The following PRKN variants were observed in gnomAD, a reference collection of about 807,000 sequenced individuals.
The protein encoded by PRKN is parkin RBR E3 ubiquitin protein ligase, also known as E3 ubiquitin-protein ligase parkin.
In PRKN, 56 loss-of-function variants were observed where a neutral mutation model predicts 59.5. That is an observed-to-expected ratio of 0.94 (90% CI 0.76 to 1.18). PRKN has a LOEUF of 1.18. Among genes scored for constraint, PRKN ranks in the 50% most tolerant of loss-of-function variants. The pLI is 0.00. For missense variants in PRKN, 657 were observed against 596.4 expected (o/e 1.10, Z -1.06); for synonymous variants, 250 against 222.1 (o/e 1.13, Z -1.12).
Position 161,444,554 on chromosome 6 carries a change from A to G in PRKN, c.1084-57677T>C, listed in dbSNP as rs1290547392. ...GCAGCCCCTGGTTAGTGGGAGACGC[A>G]GAGCAGGCATTCAGTCAGCAAATAT... On this transcript the variant is annotated intron_variant, in intron 9 of 11. Transcript: ENST00000366898. The surrounding 1 kb of genome is among the most constrained non-coding windows in gnomAD (Gnocchi z 5.6). Among the ~76,000 whole-genome samples, 1 of 152,228 alleles carries G rather than the reference A, an allele frequency of 6.6e-6. No homozygotes were observed. Among genetic ancestry groups the G allele is most frequent in the Non-Finnish European group, 1.5e-5 (1 of 68,044 alleles).
chr6:161,880,115 T>C (rs1794876896), intron 6 of PRKN, among the ~76,000 whole-genome samples: 1 of 152,228 alleles, frequency 6.6e-6, no homozygotes, highest in Non-Finnish European at 1.5e-5. Context: ...AACACATTCA[T>C]GGCAATGGTA....
intron 4 of PRKN, among the ~76,000 whole-genome samples, chr6:162,116,607 G>T (rs925677243): frequency 9.2e-5 from 14 of 152,198 alleles, no homozygotes; most frequent in African/African-American, 3.4e-4. Flanking sequence ...TGCACATTTA[G>T]ATTGAGTGTG....
intron 6 of PRKN, among the ~76,000 whole-genome samples, chr6:161,909,059 G>A (rs1778257093): frequency 1.3e-5 from 2 of 152,172 alleles, no homozygotes; most frequent in Non-Finnish European, 2.9e-5. Flanking sequence ...GTCAATGCAC[G>A]AGGCTCTCCT....
chr6:162,085,091 G>A (rs1473409059), intron 4 of PRKN, among the ~76,000 whole-genome samples: 1 of 150,424 alleles, frequency 6.6e-6, no homozygotes, highest in Non-Finnish European at 1.5e-5. Flanking sequence ...TCCTCATGCA[G>A]TGAGACAGTG....
At chr6:162,380,610 C>A (rs1045680715) in intron 2 of PRKN, among the ~76,000 whole-genome samples, 1 of 150,150 alleles carries the variant, frequency 6.7e-6, no homozygotes, top group Non-Finnish European at 1.5e-5. Context: ...GAGGTGGTAT[C>A]AAGTAGTGGA....
intron 7 of PRKN, among the ~76,000 whole-genome samples, chr6:161,662,545 G>C (rs1784585942): frequency 6.6e-6 from 1 of 151,936 alleles, no homozygotes; most frequent in South Asian, 2.1e-4. Context: ...TTTGGCTAAG[G>C]GTTGCCTGGT....
chr6:162,505,261 G>C (rs1793559221), intron 1 of PRKN, among the ~76,000 whole-genome samples: 1 of 111,668 alleles, frequency 9.0e-6, no homozygotes, highest in Non-Finnish European at 2.0e-5. Flanking sequence ...AGCCTTATTT[G>C]TAATTGCAAA....
intron 7 of PRKN, among the ~76,000 whole-genome samples, chr6:161,692,166 C>G (rs1562611866): frequency 6.6e-6 from 1 of 152,216 alleles, no homozygotes; most frequent in East Asian, 1.9e-4. Flanking sequence ...AAATTTGCCT[C>G]TACTCTGAAT....
intron 3 of PRKN, among the ~76,000 whole-genome samples, chr6:162,235,877 AAG>A (rs1188472842): frequency 1.3e-5 from 2 of 149,734 alleles, no homozygotes; most frequent in Non-Finnish European, 3.0e-5. Flanking sequence ...GACGGAAAGA[AAG>A]AGAGAGAAAG....
chr6:161,847,137 G>A (rs1438860582), intron 6 of PRKN, among the ~76,000 whole-genome samples: 1 of 152,050 alleles, frequency 6.6e-6, no homozygotes, highest in African/African-American at 2.4e-5. Context: ...GTGAAACCCC[G>A]TCTCTACTAA....
At chr6:162,460,076 TCAG>T (rs1170689978) in intron 1 of PRKN, among the ~76,000 whole-genome samples, 1 of 152,168 alleles carries the variant, frequency 6.6e-6, no homozygotes, top group Non-Finnish European at 1.5e-5. Flanking sequence ...AATGTCCCTA[TCAG>T]CATTATTATT....
intron 5 of PRKN, among the ~76,000 whole-genome samples, chr6:162,045,105 G>A (rs554130975): frequency 4.0e-4 from 61 of 152,220 alleles, no homozygotes; most frequent in African/African-American, 1.4e-3. Flanking sequence ...CTTTTTACTT[G>A]CTCTGCGGAA....
chr6:161,785,426 C>T (rs1002830500), intron 7 of PRKN, among the ~76,000 whole-genome samples: 51 of 152,034 alleles, frequency 3.4e-4, no homozygotes, highest in African/African-American at 1.2e-3. Context: ...TAGAGGTATA[C>T]GATTTAAAAA....
intron 2 of PRKN, among the ~76,000 whole-genome samples, chr6:162,427,432 G>C (rs536495352): frequency 6.3e-4 from 96 of 152,266 alleles, no homozygotes; most frequent in Non-Finnish European, 1.1e-3. Context: ...AATAGCATGA[G>C]AATAAATCCA....
chr6:162,526,404 C>A (rs111670104), intron 1 of PRKN, among the ~76,000 whole-genome samples: 3,230 of 151,424 alleles, frequency 0.021, 119 homozygotes, highest in African/African-American at 0.073. Flanking sequence ...GTAATCCCAG[C>A]ACTTTGGGAG....
intron 2 of PRKN, among the ~76,000 whole-genome samples, chr6:162,366,749 T>C (rs986384583): frequency 3.3e-5 from 5 of 151,816 alleles, no homozygotes; most frequent in African/African-American, 1.2e-4. Flanking sequence ...CTATAAAAAA[T>C]ACAAAATTAG....
At chr6:161,851,132 G>A (rs1793415849) in intron 6 of PRKN, among the ~76,000 whole-genome samples, 1 of 152,208 alleles carries the variant, frequency 6.6e-6, no homozygotes, top group South Asian at 2.1e-4. Flanking sequence ...ATTAGGTTAT[G>A]AGGGCTCTGC....
chr6:162,685,866 T>G (rs1171697168), intron 1 of PRKN, among the ~76,000 whole-genome samples: 1 of 152,112 alleles, frequency 6.6e-6, no homozygotes, highest in East Asian at 1.9e-4. Context: ...GGATGTCAAG[T>G]GTGAAGGTCA....
intron 2 of PRKN, among the ~76,000 whole-genome samples, chr6:162,309,218 T>G (rs775824811): frequency 2.6e-5 from 4 of 152,128 alleles, no homozygotes; most frequent in Non-Finnish European, 5.9e-5. Context: ...TGGAGTGCAG[T>G]GGCATGATCT....
Sources: gnomAD v4.1 joint callset for allele counts (sites outside exome capture counted in the v4.1 genomes callset) on GRCh38, gnomAD v4.1.1 for gene constraint, Gnocchi (gnomAD v3.1) non-coding constraint, MANE v1.5 for transcripts, NCBI Gene and HGNC (gene_info 2026-07-23, HGNC 2026-07-21) for gene names.